VWA3B: variants seen among roughly 807,000 people sequenced by gnomAD.
VWA3B encodes the protein von Willebrand factor A domain containing 3B, also known as von Willebrand factor A domain-containing protein 3B.
In VWA3B, 138 loss-of-function variants were observed where a neutral mutation model predicts 158.3. The ratio of observed to expected loss-of-function variants is 0.87; its 90% CI spans 0.76 to 1.00. The LOEUF is 1.00. Ranked by LOEUF, VWA3B falls within the 50% of genes least tolerant of loss-of-function variation. The pLI is 0.00. For synonymous variants in VWA3B, 596 were observed against 587.3 expected, an observed-to-expected ratio of 1.01 and a Z score of -0.21; for missense variants, 1,555 against 1,565.1, an observed-to-expected ratio of 0.99 and a Z score of 0.11.
At chr2:98,237,275 G>A (rs1001110297) in intron 19 of VWA3B, among the ~76,000 whole-genome samples, 2 of 152,220 alleles carry the variant, frequency 1.3e-5, no homozygotes, top group African/African-American at 4.8e-5. Context: ...GAAGTGTGGG[G>A]CTGCAGAAAT....
At chr2:98,265,006 A>T (rs78478241) in intron 21 of VWA3B, among the ~76,000 whole-genome samples, 28,386 of 151,974 alleles carry the variant, frequency 0.19, 3,026 homozygotes, top group Admixed American at 0.34. Context: ...TCATAAGTTG[A>T]TATAACAACT....
chr2:98,216,859 A>G (rs1242813855), intron 13 of VWA3B: 7 of 1,084,866 alleles, frequency 6.5e-6, no homozygotes, highest in Non-Finnish European at 8.9e-6. Context: ...GCCCTAGGCC[A>G]TTCAGATGGG....
intron 8 of VWA3B, among the ~76,000 whole-genome samples, chr2:98,163,406 C>T (rs1201243530): frequency 2.0e-5 from 3 of 152,072 alleles, no homozygotes; most frequent in African/African-American, 4.8e-5. Flanking sequence ...GGTGTGGTGG[C>T]CCGTGCCTGT....
At position 98,158,115 on chromosome 2, in the gene VWA3B, C is replaced by T. The variant is rs532981011; in HGVS notation, c.989-4736C>T. Among the ~76,000 whole-genome samples, 6 of 152,188 alleles carry T rather than the reference C, an allele frequency of 3.9e-5. No individual in the cohort carries two copies. In the East Asian group the frequency reaches 9.6e-4, roughly 24 times the overall value. ...TCTTGCACACCCCTCTGAAGAGTTT[C>T]TTGTAATCATGAGGAATGAATGTAT... is the stretch of plus-strand genomic sequence containing the variant. On this transcript the variant is annotated intron_variant, in intron 7 of 27. Transcript: ENST00000477737.
At chr2:98,112,839 TA>T (rs535408607) in intron 2 of VWA3B, among the ~76,000 whole-genome samples, 9 of 152,100 alleles carry the variant, frequency 5.9e-5, no homozygotes, top group Non-Finnish European at 1.2e-4. Context: ...ATTTTGTCAA[TA>T]TTTTTTTTCT....
intron 7 of VWA3B, among the ~76,000 whole-genome samples, chr2:98,146,887 T>A (rs1677212090): frequency 6.6e-6 from 1 of 152,202 alleles, no homozygotes; most frequent in South Asian, 2.1e-4. Flanking sequence ...AGGCGTGGGC[T>A]CTAAGAGCAA....
intron 15 of VWA3B, among the ~76,000 whole-genome samples, 164 bp from the exon 16 acceptor site, chr2:98,229,885 AG>A (rs1218347408): frequency 6.6e-5 from 10 of 152,222 alleles, no homozygotes; most frequent in Non-Finnish European, 5.9e-5. Flanking sequence ...CTTCTGCATC[AG>A]TCAGGGATAA....
intron 22 of VWA3B, among the ~76,000 whole-genome samples, chr2:98,284,165 C>T (rs866274349): frequency 3.9e-5 from 6 of 152,154 alleles, no homozygotes; most frequent in African/African-American, 7.2e-5. Flanking sequence ...CATTTTTGTC[C>T]GTGGCTGCAG....
At chr2:98,173,522 T>G (rs1679766960) in intron 8 of VWA3B, among the ~76,000 whole-genome samples, 3 of 152,224 alleles carry the variant, frequency 2.0e-5, no homozygotes, top group Admixed American at 2.0e-4. Flanking sequence ...TCTCCCATGA[T>G]TCAAGATTAA....
At chr2:98,255,625 A>G (rs1479843090) in intron 20 of VWA3B, among the ~76,000 whole-genome samples, 1 of 152,076 alleles carries the variant, frequency 6.6e-6, no homozygotes, top group African/African-American at 2.4e-5. Context: ...AAGGTGCTTC[A>G]TCCAGCTGCC....
intron 21 of VWA3B, among the ~76,000 whole-genome samples, chr2:98,270,148 A>G (rs1688106920): frequency 6.6e-6 from 1 of 152,226 alleles, no homozygotes; most frequent in South Asian, 2.1e-4. Context: ...TTCTTTATGT[A>G]TCAAAACAGC....
chr2:98,309,439 C>T (rs958777987), intron 26 of VWA3B, among the ~76,000 whole-genome samples: 3 of 152,132 alleles, frequency 2.0e-5, no homozygotes, highest in Non-Finnish European at 2.9e-5. Context: ...GAGACCCTCC[C>T]AGGGCCAGGT....
At chr2:98,089,659 T>A (rs1028553127) in intron 1 of VWA3B, among the ~76,000 whole-genome samples, 1 of 147,348 alleles carries the variant, frequency 6.8e-6, no homozygotes, top group African/African-American at 2.5e-5. Flanking sequence ...CCTTTTTTTT[T>A]TTCCAGACAA....
At chr2:98,202,525 A>G (rs1053815133) in intron 12 of VWA3B, among the ~76,000 whole-genome samples, 2 of 151,122 alleles carry the variant, frequency 1.3e-5, no homozygotes, top group South Asian at 4.2e-4. Flanking sequence ...TATCTTTATT[A>G]TTTTTCTCCT....
In VWA3B at chr2:98,234,705, G is replaced by C; in HGVS notation, c.2366G>C (p.Cys789Ser). 6.2e-7 allele frequency: 1 copy of C among 1,614,212 alleles called. No individual in the cohort carries two copies. The change falls in exon 17 of 28, where the codon TGC becomes TCC. Residue 789 changes from cysteine to serine, a missense_variant. Physicochemically the swap from Cys to Ser is moderately radical, Grantham distance 112. Transcript: ENST00000477737. The stretch of plus-strand genomic sequence containing the variant: ...ATGTCCTCCCTCAGGAGCTCAGCTT[G>C]CAGTGAAAGGAAGGATGGCCTCTCC... ...SQMSSLRSSA[C>S]SERKDGLSNA... is the part of the protein sequence containing the mutation.
At chr2:98,211,566 A>G (rs780912441) in intron 12 of VWA3B, among the ~76,000 whole-genome samples, 2 of 152,262 alleles carry the variant, frequency 1.3e-5, no homozygotes, top group Non-Finnish European at 2.9e-5. Flanking sequence ...GTTTGAAACC[A>G]TTATGATGCC....
chr2:98,107,596 T>C (rs1673773320), intron 2 of VWA3B, among the ~76,000 whole-genome samples: 1 of 152,128 alleles, frequency 6.6e-6, no homozygotes, highest in African/African-American at 2.4e-5. Context: ...TTATATTGTG[T>C]GAGTTGTGGT....
intron 22 of VWA3B, among the ~76,000 whole-genome samples, chr2:98,283,953 G>C (rs183604033): frequency 2.0e-5 from 3 of 152,308 alleles, no homozygotes; most frequent in African/African-American, 7.2e-5. Flanking sequence ...TTTGAACCTT[G>C]CATTAGAAAG....
At chr2:98,136,433 A>G (rs1466815544) in intron 7 of VWA3B, among the ~76,000 whole-genome samples, 4 of 152,110 alleles carry the variant, frequency 2.6e-5, no homozygotes, top group African/African-American at 4.8e-5. Flanking sequence ...GTAATTTATA[A>G]AGAGAAACTT....
Sources: allele counts gnomAD v4.1 joint callset (sites outside exome capture counted in the v4.1 genomes callset), GRCh38; gene constraint gnomAD v4.1.1; transcripts MANE v1.5; gene names NCBI Gene and HGNC (gene_info 2026-07-23, HGNC 2026-07-21).